ZMIZ1: variants seen among roughly 807,000 people sequenced by gnomAD.
ZMIZ1 encodes the protein zinc finger MIZ-type containing 1.
Under a neutral mutation model 113.9 loss-of-function variants are expected in ZMIZ1, and 17 were observed. That is an observed-to-expected ratio of 0.15 (90% confidence interval 0.10 to 0.22). The LOEUF is 0.22. ZMIZ1 is among the 10% of genes least tolerant of loss of function. The probability of loss-of-function intolerance (pLI) is 1.00; values close to 1 mark genes in which losing one functional copy is unlikely to be tolerated. For synonymous variants in ZMIZ1, 607 were observed against 603.1 expected, an observed-to-expected ratio of 1.01 and a Z score of -0.09; for missense variants, 1,059 against 1,477.8, an observed-to-expected ratio of 0.72 and a Z score of 4.65.
intron 4 of ZMIZ1, among the ~76,000 whole-genome samples, chr10:79,169,162 G>A (rs1846498388): frequency 1.3e-5 from 2 of 152,208 alleles, no homozygotes; most frequent in Non-Finnish European, 2.9e-5. Context: ...AGGTTGGTGG[G>A]ACAGGCTGGC....
chr10:79,310,874 G>A (rs369884759), intron 23 of ZMIZ1, 50 bp from the exon 24 acceptor site: 33 of 1,569,908 alleles, frequency 2.1e-5, no homozygotes, highest in Admixed American at 1.9e-4. Context: ...CATCATCGCC[G>A]TGCCTCCTCA....
chr10:79,300,861 C>T lies in ZMIZ1; in HGVS notation c.1938C>T (p.Thr646=), dbSNP rs748502469. The change falls in exon 17 of 25, where the codon ACC becomes ACT. Residue 646 remains threonine, a synonymous_variant. Transcript: ENST00000334512. ...PLTIERGDNK[T]SHKPLHLKHV... ...CCATTGAGCGCGGCGACAACAAGAC[C>T]TCCCACAAGCCCCTGCACCTGAAGC... The T allele has an allele frequency of 1.2e-6, 2 of 1,613,510 alleles. No individual in the cohort carries two copies. The highest frequency in any genetic ancestry group is 1.7e-6 in the Non-Finnish European group (2 of 1,179,986).
chr10:79,245,558 A>G (rs1850142075), intron 7 of ZMIZ1, among the ~76,000 whole-genome samples: 2 of 152,182 alleles, frequency 1.3e-5, no homozygotes, highest in Admixed American at 6.5e-5. Flanking sequence ...GAGCACTTCC[A>G]GATCTCAGTC....
At chr10:79,113,797 T>TAGAGAGG in intron 1 of ZMIZ1, among the ~76,000 whole-genome samples, 1 of 151,642 alleles carries the variant, frequency 6.6e-6, no homozygotes, top group Admixed American at 6.6e-5. Flanking sequence ...CTGAGCCCCC[T>TAGAGAGG]CTCCATTGAT....
At chr10:79,117,554 A>G (rs1045751600) in intron 1 of ZMIZ1, among the ~76,000 whole-genome samples, 1 of 152,154 alleles carries the variant, frequency 6.6e-6, no homozygotes, top group African/African-American at 2.4e-5. Context: ...GGAAGTTTTC[A>G]TTTTCTGGCT....
chr10:79,107,566 T>C (rs745344169), intron 1 of ZMIZ1, among the ~76,000 whole-genome samples: 5 of 152,082 alleles, frequency 3.3e-5, no homozygotes, highest in Non-Finnish European at 7.4e-5. Flanking sequence ...AGCGTTCAAG[T>C]GGATGGGTGA....
intron 2 of ZMIZ1, among the ~76,000 whole-genome samples, chr10:79,132,467 G>A (rs1356842678): frequency 6.6e-6 from 1 of 152,194 alleles, no homozygotes; most frequent in Non-Finnish European, 1.5e-5. Context: ...GAGGCAGCAG[G>A]GAGCAGCGAG....
intron 16 of ZMIZ1, among the ~76,000 whole-genome samples, chr10:79,299,500 A>T (rs191191638): frequency 6.6e-6 from 1 of 152,344 alleles, no homozygotes; most frequent in Non-Finnish European, 1.5e-5. Flanking sequence ...GTGAGCTGAC[A>T]AGAGGGAACG....
chr10:79,259,068 A>G (rs1298338802), intron 7 of ZMIZ1, among the ~76,000 whole-genome samples: 9 of 152,194 alleles, frequency 5.9e-5, no homozygotes, highest in African/African-American at 1.7e-4. Flanking sequence ...AGCCGCCCGT[A>G]TTAGTTTAAT....
chr10:79,282,964 C>T (rs1433954034), intron 8 of ZMIZ1, among the ~76,000 whole-genome samples: 2 of 152,384 alleles, frequency 1.3e-5, no homozygotes, highest in East Asian at 3.9e-4. Flanking sequence ...GTGACCTGGA[C>T]TTGAAGCCAG....
chr10:79,077,959 A>G (rs1433282008), intron 1 of ZMIZ1, among the ~76,000 whole-genome samples: 1 of 152,134 alleles, frequency 6.6e-6, no homozygotes, highest in East Asian at 1.9e-4. Context: ...CTGGAGCCCA[A>G]CCAAAGCGGC....
At chr10:79,186,248 T>C (rs1193365964) in intron 4 of ZMIZ1, among the ~76,000 whole-genome samples, 1 of 152,208 alleles carries the variant, frequency 6.6e-6, no homozygotes, top group East Asian at 1.9e-4. Context: ...TCAGGGTCAC[T>C]TTGGGTGATC....
At position 79,296,626 on chromosome 10, in the gene ZMIZ1, C is replaced by A. The variant is rs2296428; in HGVS notation, c.1386C>A (p.Pro462=). The A allele has an allele frequency of 1.8e-3, 2,875 of 1,588,074 alleles. 75 individuals carry two copies. The East Asian group carries it at 0.056, about 31-fold the overall frequency. The change falls in exon 13 of 25, where the codon CCC becomes CCA. Residue 462 remains proline (P), a synonymous_variant. Transcript: ENST00000334512. This position sits in a 1 kb window ranked among gnomAD's most constrained non-coding sequence, Gnocchi z 4.1. ...SQPSSGQYPP[P]TVNMGQYYKP... ...CGAGCTCCGGGCAGTACCCGCCCCCCACGGTCAACATGGGGCAGTATTACA... is the reference window on the plus strand; with the variant it reads ...CGAGCTCCGGGCAGTACCCGCCCCCAACGGTCAACATGGGGCAGTATTACA...
Position 79,296,562 on chromosome 10 carries a change from C to T in ZMIZ1, c.1322C>T (p.Thr441Ile), listed in dbSNP as rs1468824713. 5.0e-6 allele frequency: 8 copies of T among 1,613,024 alleles called. No individual in the cohort carries two copies. The highest frequency in any genetic ancestry group is 2.2e-5 in the East Asian group (1 of 44,832). Reference sequence around the variant, plus strand: ...GCCCCCAACCCCCCGAGGCCACTCACCTCCCCCAACTACCCAGGACAGAGG... The same window carrying T: ...GCCCCCAACCCCCCGAGGCCACTCATCTCCCCCAACTACCCAGGACAGAGG... ...YPAPNPPRPLTSPNYPGQRMP... is the reference protein window; with the variant it reads ...YPAPNPPRPLISPNYPGQRMP... The change falls in exon 13 of 25, where the codon ACC (threonine) becomes ATC (isoleucine). Residue 441 changes from threonine (T) to isoleucine (I), a missense_variant. Physicochemically the swap from Thr to Ile is moderately conservative, Grantham distance 89 (BLOSUM62 -1). This residue lies in a region of ZMIZ1 where 239 missense variants were observed against 247.5 expected (regional missense o/e 0.97). Coordinates refer to ENST00000334512, the MANE Select transcript of ZMIZ1 (RefSeq NM_020338.4). This position sits in a 1 kb window ranked among gnomAD's most constrained non-coding sequence, Gnocchi z 4.1.
intron 2 of ZMIZ1, among the ~76,000 whole-genome samples, chr10:79,138,615 C>A (rs778929804): frequency 2.0e-5 from 3 of 152,236 alleles, no homozygotes; most frequent in Non-Finnish European, 2.9e-5. Flanking sequence ...CATCCCTTGG[C>A]CTGATACAAT....
rs569386721 is a variant in ZMIZ1, at chr10:79,299,042, C to T, written c.1667-8C>T. 33 of 1,602,576 alleles carry T rather than the reference C, an allele frequency of 2.1e-5. 1 individual carries two copies. Among genetic ancestry groups the T allele is most frequent in the East Asian group, 1.6e-4 (7 of 44,770 alleles). On this transcript the variant is annotated splice_polypyrimidine_tract_variant and splice_region_variant and intron_variant, in intron 15 of 24. Transcript: ENST00000334512. ...TTGTGGCTCACCCACCTCCTCTCCT[C>T]GCCCCAGCCAACCACAATGACGAGC... is the stretch of plus-strand genomic sequence containing the variant.
chr10:79,203,551 T>G (rs1259650902), intron 5 of ZMIZ1, among the ~76,000 whole-genome samples: 1 of 152,114 alleles, frequency 6.6e-6, no homozygotes, highest in Admixed American at 6.5e-5. Context: ...AATGGAATGC[T>G]CATGCCTCCT....
intron 8 of ZMIZ1, among the ~76,000 whole-genome samples, chr10:79,283,287 G>A (rs1852855873): frequency 6.6e-6 from 1 of 152,164 alleles, no homozygotes; most frequent in African/African-American, 2.4e-5. Context: ...CCAGGCTGCT[G>A]GGCCTTGAGT....
At chr10:79,073,353 G>A (rs1842358734) in intron 1 of ZMIZ1, among the ~76,000 whole-genome samples, 1 of 152,218 alleles carries the variant, frequency 6.6e-6, no homozygotes, top group African/African-American at 2.4e-5. Flanking sequence ...GATTGCAAGT[G>A]CTAGAAGCAT....
Sources: allele counts gnomAD v4.1 joint callset (sites outside exome capture counted in the v4.1 genomes callset), GRCh38; gene constraint gnomAD v4.1.1; regional missense constraint gnomAD v4.1.1; non-coding constraint Gnocchi (gnomAD v3.1); transcripts MANE v1.5; gene names NCBI Gene and HGNC (gene_info 2026-07-23, HGNC 2026-07-21).